Variants in PDE4D observed in about 807,000 individuals in gnomAD.
PDE4D encodes 3',5'-cyclic-AMP phosphodiesterase 4D.
PDE4D carries 24 observed loss-of-function variants against 87.4 expected under a neutral mutation model. That is an observed-to-expected ratio of 0.27 (90% CI 0.20 to 0.39). PDE4D has a LOEUF of 0.39. Ranked by LOEUF, PDE4D falls within the 10% of genes least tolerant of loss-of-function variation. The pLI is 1.00. For missense variants in PDE4D, 714 were observed against 1,041.0 expected (o/e 0.69, Z 4.32); for synonymous variants, 384 against 383.2 (o/e 1.00, Z -0.02).
intron 1 of PDE4D, among the ~76,000 whole-genome samples, chr5:59,569,237 C>T (rs1051653535): frequency 6.7e-4 from 102 of 152,096 alleles, no homozygotes; most frequent in African/African-American, 2.1e-3. Context: ...CCATAAATCA[C>T]GCTATATTAT....
intron 6 of PDE4D, among the ~76,000 whole-genome samples, chr5:59,005,987 G>C (rs192543252): frequency 6.6e-6 from 1 of 152,338 alleles, no homozygotes; most frequent in East Asian, 1.9e-4. Context: ...CAGATCTCTG[G>C]ACAGGGTGAG....
At chr5:60,432,454 G>T (rs1019338350) in intron 1 of PDE4D, among the ~76,000 whole-genome samples, 5 of 152,092 alleles carry the variant, frequency 3.3e-5, no homozygotes, top group African/African-American at 1.2e-4. Context: ...TCTGATCAGG[G>T]TTTAAATTTC....
chr5:59,264,083 A>G (rs1009955652), intron 1 of PDE4D, among the ~76,000 whole-genome samples: 1 of 152,004 alleles, frequency 6.6e-6, no homozygotes, highest in Non-Finnish European at 1.5e-5. Context: ...CAATGACTTT[A>G]TTTGCATGCA....
chr5:60,037,817 T>C (rs1185692663), intron 2 of PDE4D, among the ~76,000 whole-genome samples: 1 of 152,244 alleles, frequency 6.6e-6, no homozygotes, highest in African/African-American at 2.4e-5. Flanking sequence ...TGACACTTTT[T>C]ATTTTTAAAG....
chr5:59,559,575 C>A (rs1204938709), intron 1 of PDE4D, among the ~76,000 whole-genome samples: 2 of 152,138 alleles, frequency 1.3e-5, no homozygotes, highest in Admixed American at 6.5e-5. Flanking sequence ...GCTGGTTGTT[C>A]TACATGAAAC....
At chr5:59,109,866 T>C (rs1247120959) in intron 5 of PDE4D, among the ~76,000 whole-genome samples, 1 of 152,172 alleles carries the variant, frequency 6.6e-6, no homozygotes, top group East Asian at 1.9e-4. Flanking sequence ...TGTTAACATA[T>C]TTGGAAAAAG....
chr5:59,157,577 T>C (rs190959286), intron 5 of PDE4D, among the ~76,000 whole-genome samples: 5 of 152,340 alleles, frequency 3.3e-5, no homozygotes, highest in African/African-American at 1.2e-4. Flanking sequence ...AAAGTAATAT[T>C]GTATAATTGT....
At chr5:59,186,321 G>A (rs187376673) in intron 3 of PDE4D, among the ~76,000 whole-genome samples, 40 of 152,268 alleles carry the variant, frequency 2.6e-4, no homozygotes, top group Non-Finnish European at 4.6e-4. Flanking sequence ...TACCTACCTC[G>A]TAGAATTGTT....
intron 1 of PDE4D, among the ~76,000 whole-genome samples, chr5:59,556,664 C>T (rs929136311): frequency 2.5e-4 from 38 of 152,152 alleles, no homozygotes; most frequent in African/African-American, 9.7e-5. Flanking sequence ...TTGGCCACCA[C>T]GTAACTATGA....
At chr5:59,419,253 T>A (rs1794107356) in intron 1 of PDE4D, among the ~76,000 whole-genome samples, 1 of 152,144 alleles carries the variant, frequency 6.6e-6, no homozygotes, top group Non-Finnish European at 1.5e-5. Flanking sequence ...CCTTATGTAG[T>A]TATAATTTAT....
At chr5:60,435,803 C>A (rs1420711859) in intron 1 of PDE4D, among the ~76,000 whole-genome samples, 1 of 152,020 alleles carries the variant, frequency 6.6e-6, no homozygotes, top group Non-Finnish European at 1.5e-5. Context: ...ATACCTCTTT[C>A]TATTTGCAAC....
intron 1 of PDE4D, among the ~76,000 whole-genome samples, chr5:59,221,459 C>A (rs1282950670): frequency 6.6e-6 from 1 of 151,966 alleles, no homozygotes; most frequent in African/African-American, 2.4e-5. Flanking sequence ...TGGTGAAACA[C>A]CATCTTTACA....
At chr5:59,399,816 T>A in intron 1 of PDE4D, among the ~76,000 whole-genome samples, 1 of 106,944 alleles carries the variant, frequency 9.4e-6, no homozygotes, top group African/African-American at 4.1e-5. Flanking sequence ...TGGGAGAAAA[T>A]TTTCGCAACC....
intron 1 of PDE4D, among the ~76,000 whole-genome samples, chr5:59,234,262 T>C (rs1003597527): frequency 1.3e-5 from 2 of 152,212 alleles, no homozygotes; most frequent in African/African-American, 4.8e-5. Context: ...TGATATTCAA[T>C]TATGTGTATT....
chr5:60,282,565 T>A (rs1488582504), intron 1 of PDE4D, among the ~76,000 whole-genome samples: 1 of 152,212 alleles, frequency 6.6e-6, no homozygotes. Flanking sequence ...TATTACTATG[T>A]TCTCTGTATC....
intron 2 of PDE4D, among the ~76,000 whole-genome samples, chr5:60,043,054 G>T (rs796803723): frequency 5.3e-5 from 8 of 151,966 alleles, no homozygotes; most frequent in African/African-American, 1.9e-4. Context: ...ACTGAAAAAA[G>T]GTGAGAGGAA....
intron 1 of PDE4D, among the ~76,000 whole-genome samples, chr5:59,714,777 T>A (rs184633358): frequency 1.8e-4 from 27 of 152,350 alleles, no homozygotes; most frequent in Non-Finnish European, 4.0e-4. Flanking sequence ...GATAATATTA[T>A]GTTAACCTCT....
intron 5 of PDE4D, among the ~76,000 whole-genome samples, chr5:59,149,697 TCTC>T (rs930555002): frequency 1.5e-5 from 2 of 137,168 alleles, no homozygotes; most frequent in African/African-American, 2.7e-5. Flanking sequence ...TTTCTCCCTC[TCTC>T]CTCGAGTTTT....
At chr5:60,442,276 T>C (rs1745290996) in intron 1 of PDE4D, among the ~76,000 whole-genome samples, 1 of 152,164 alleles carries the variant, frequency 6.6e-6, no homozygotes, top group South Asian at 2.1e-4. Flanking sequence ...AAGGATGAGT[T>C]CATGTCCTTT....
Sources: allele counts gnomAD v4.1 joint callset (sites outside exome capture counted in the v4.1 genomes callset), GRCh38; gene constraint gnomAD v4.1.1; transcripts MANE v1.5; gene names NCBI Gene and HGNC (gene_info 2026-07-23, HGNC 2026-07-21).